STARD13: variants seen among roughly 807,000 people sequenced by gnomAD.
STARD13 encodes the protein StAR related lipid transfer domain containing 13.
A neutral mutation model predicts 106.4 loss-of-function variants in STARD13; 62 were observed. That is an observed-to-expected ratio of 0.58 (90% confidence interval 0.48 to 0.72). The LOEUF (loss-of-function observed/expected upper bound fraction) is 0.72, where lower values mean the gene tolerates loss of function less well. STARD13 is among the 30% of genes least tolerant of loss of function. The pLI is 0.00. For missense variants in STARD13, 1,387 were observed against 1,424.0 expected (o/e 0.97, Z 0.42); for synonymous variants, 565 against 553.0 (o/e 1.02, Z -0.31).
chr13:33,150,950 T>A (rs1436325880), intron 3 of STARD13, among the ~76,000 whole-genome samples: 1 of 152,164 alleles, frequency 6.6e-6, no homozygotes. Context: ...ATACAGTATT[T>A]AAAAAGATAT....
intron 1 of STARD13, among the ~76,000 whole-genome samples, chr13:33,206,747 G>C (rs1887440591): frequency 6.6e-6 from 1 of 152,200 alleles, no homozygotes; most frequent in Non-Finnish European, 1.5e-5. Flanking sequence ...GACAAACAAT[G>C]CATTGTAGAC....
At chr13:33,472,036 C>G in the STARD13 span, among the ~76,000 whole-genome samples, 1 of 152,196 alleles carries the variant, frequency 6.6e-6, no homozygotes, top group Admixed American at 6.5e-5. Context: ...TGCCTTTCAT[C>G]AAATTTTCAA....
chr13:33,556,474 G>T, the STARD13 span, among the ~76,000 whole-genome samples: 1 of 151,902 alleles, frequency 6.6e-6, no homozygotes, highest in Non-Finnish European at 1.5e-5. Context: ...AGAGATGGGG[G>T]TCTCACTAAG....
chr13:33,145,871 CT>C (rs1880459961), intron 3 of STARD13, among the ~76,000 whole-genome samples: 1 of 152,128 alleles, frequency 6.6e-6, no homozygotes, highest in South Asian at 2.1e-4. Flanking sequence ...CACTGGGGGA[CT>C]TTTTGAGGTC....
intron 3 of STARD13, among the ~76,000 whole-genome samples, chr13:33,148,117 A>G (rs1880796789): frequency 6.6e-6 from 1 of 152,218 alleles, no homozygotes; most frequent in African/African-American, 2.4e-5. Context: ...TACAACTCCA[A>G]AAAGATAACA....
At chr13:33,566,425 A>G in the STARD13 span, among the ~76,000 whole-genome samples, 1 of 147,938 alleles carries the variant, frequency 6.8e-6, no homozygotes, top group African/African-American at 2.5e-5. Context: ...ATATCTCTGC[A>G]TGATCTCTAA....
the STARD13 span, among the ~76,000 whole-genome samples, chr13:33,659,304 C>A: frequency 2.7e-5 from 4 of 149,954 alleles, no homozygotes; most frequent in African/African-American, 4.9e-5. Flanking sequence ...CAACCTCTGC[C>A]TCCCGGGTTC....
the STARD13 span, among the ~76,000 whole-genome samples, chr13:33,402,283 A>T: frequency 6.6e-6 from 1 of 152,262 alleles, no homozygotes; most frequent in East Asian, 1.9e-4. Context: ...TGAAAGAAGT[A>T]ATCTTTCGTA....
In STARD13 at chr13:33,144,903, C is replaced by A. The variant is rs531213552; in HGVS notation, c.324-2530G>T. ...CTGTGGAAAAGCTTTTGATCTACGA[C>A]ACACACACAAGACATCAAAGGAATC... On this transcript the variant is annotated intron_variant, in intron 3 of 13. Transcript: ENST00000336934. Among the ~76,000 whole-genome samples, 6 of 152,330 alleles carry A rather than the reference C, an allele frequency of 3.9e-5. No individual in the cohort carries two copies. The East Asian group carries it at 1.2e-3, about 29-fold the overall frequency.
chr13:33,444,223 C>G, the STARD13 span, among the ~76,000 whole-genome samples: 141 of 152,200 alleles, frequency 9.3e-4, no homozygotes, highest in African/African-American at 3.3e-3. Context: ...GGTGCTTAAC[C>G]CTTTCTGTTG....
At chr13:33,435,209 A>G in the STARD13 span, among the ~76,000 whole-genome samples, 7 of 152,302 alleles carry the variant, frequency 4.6e-5, no homozygotes, top group Admixed American at 4.6e-4. Context: ...GCTCTTCAGT[A>G]GATGTTTGGG....
the STARD13 span, among the ~76,000 whole-genome samples, chr13:33,600,538 TAGAA>T: frequency 3.5e-4 from 54 of 152,274 alleles, no homozygotes; most frequent in East Asian, 3.9e-3. Flanking sequence ...TACATATACA[TAGAA>T]AGAAAGCAAA....
chr13:33,137,724 T>C (rs1593937415), intron 4 of STARD13, among the ~76,000 whole-genome samples: 1 of 152,000 alleles, frequency 6.6e-6, no homozygotes, highest in Admixed American at 6.6e-5. Context: ...GAGTGGGAGG[T>C]TGGAAAATAA....
chr13:33,277,063 G>A (rs1277862397), intron 1 of STARD13, among the ~76,000 whole-genome samples: 4 of 136,854 alleles, frequency 2.9e-5, no homozygotes, highest in Admixed American at 7.2e-5. Context: ...AAAAAAAAGA[G>A]AGAGAATTCA....
At chr13:33,285,092 C>T (rs191563020) in intron 1 of STARD13, among the ~76,000 whole-genome samples, 2 of 152,264 alleles carry the variant, frequency 1.3e-5, no homozygotes, top group African/African-American at 4.8e-5. Flanking sequence ...TAGTCCCTCG[C>T]CTCCTCCCTA....
At chr13:33,110,130 G>C (rs777263592) in intron 11 of STARD13, 40 bp from the exon 12 acceptor site, 1 of 1,586,340 alleles carries the variant, frequency 6.3e-7, no homozygotes, top group Admixed American at 1.7e-5. Flanking sequence ...AGGTTGTCTG[G>C]GATATGGGTC....
the STARD13 span, among the ~76,000 whole-genome samples, chr13:33,569,650 C>A: frequency 8.1e-5 from 12 of 147,328 alleles, 1 homozygote; most frequent in Non-Finnish European, 1.8e-4. Flanking sequence ...AAAAAAAGAC[C>A]CGCATCAGTT....
the STARD13 span, among the ~76,000 whole-genome samples, chr13:33,374,308 G>T: frequency 2.6e-5 from 4 of 152,242 alleles, no homozygotes; most frequent in African/African-American, 9.6e-5. Context: ...TGTTTAATGA[G>T]TACAAGTTTT....
chr13:33,186,418 G>A (rs896891467), intron 1 of STARD13, among the ~76,000 whole-genome samples: 15 of 152,124 alleles, frequency 9.9e-5, no homozygotes, highest in African/African-American at 3.6e-4. Context: ...AATTCCAGTG[G>A]TTAATCTTTT....
Sources: gnomAD v4.1 joint callset for allele counts (sites outside exome capture counted in the v4.1 genomes callset) on GRCh38, gnomAD v4.1.1 for gene constraint, MANE v1.5 for transcripts, NCBI Gene and HGNC (gene_info 2026-07-23, HGNC 2026-07-21) for gene names.